Variants in ARHGEF4 observed in about 807,000 individuals in gnomAD.
The protein encoded by ARHGEF4 is APC-stimulated guanine nucleotide exchange factor 1.
In ARHGEF4, 119 loss-of-function variants were observed where a neutral mutation model predicts 162.0. The observed-to-expected ratio is 0.73, with a 90% CI of 0.63 to 0.86. The LOEUF (loss-of-function observed/expected upper bound fraction) is 0.86, where lower values mean the gene tolerates loss of function less well. ARHGEF4 is among the 40% of genes least tolerant of loss of function. ARHGEF4 has a pLI of 0.00. For synonymous variants in ARHGEF4, 1,014 were observed against 979.9 expected, an observed-to-expected ratio of 1.03 and a Z score of -0.65; for missense variants, 2,488 against 2,456.0, an observed-to-expected ratio of 1.01 and a Z score of -0.28.
intron 1 of ARHGEF4, among the ~76,000 whole-genome samples, chr2:130,859,442 A>G (rs1681924928): frequency 2.4e-5 from 2 of 84,006 alleles, no homozygotes; most frequent in Admixed American, 2.7e-4. Flanking sequence ...ATTTGTATCC[A>G]GAATATACAT....
intron 1 of ARHGEF4, among the ~76,000 whole-genome samples, chr2:130,911,889 C>T (rs1681213236): frequency 2.0e-5 from 3 of 152,192 alleles, no homozygotes; most frequent in Admixed American, 2.0e-4. Flanking sequence ...GATCGTTAGT[C>T]ATTTGGAACT....
chr2:130,870,759 A>G (rs1678422479), intron 1 of ARHGEF4, among the ~76,000 whole-genome samples: 1 of 152,082 alleles, frequency 6.6e-6, no homozygotes, highest in Admixed American at 6.5e-5. Context: ...AGTAACCTGG[A>G]AGCAGCAGAC....
chr2:130,997,002 G>A (rs138404263), intron 4 of ARHGEF4, among the ~76,000 whole-genome samples: 1 of 152,288 alleles, frequency 6.6e-6, no homozygotes, highest in East Asian at 1.9e-4. Flanking sequence ...TATTCTCACA[G>A]TCTGTCAGCT....
chr2:131,005,507 G>A (rs897779350), intron 4 of ARHGEF4, among the ~76,000 whole-genome samples: 8 of 152,304 alleles, frequency 5.3e-5, no homozygotes, highest in Non-Finnish European at 8.8e-5. Context: ...GTTGAAGTGC[G>A]CCTCTGGGGG....
chr2:131,040,508 G>C, intron 8 of ARHGEF4, 68 bp downstream of exon 8: 2 of 1,466,308 alleles, frequency 1.4e-6, no homozygotes, highest in East Asian at 5.0e-5. Flanking sequence ...GCGCCAGCGC[G>C]GACAGCGGGT....
At chr2:131,032,699 CCAGA>C (rs906453971) in intron 5 of ARHGEF4, among the ~76,000 whole-genome samples, 34 of 151,662 alleles carry the variant, frequency 2.2e-4, no homozygotes, top group African/African-American at 7.5e-4. Flanking sequence ...CTCATCTGCC[CCAGA>C]CACCTATGTC....
At chr2:130,968,984 G>A (rs1685183963) in intron 4 of ARHGEF4, among the ~76,000 whole-genome samples, 1 of 152,098 alleles carries the variant, frequency 6.6e-6, no homozygotes, top group South Asian at 2.1e-4. Context: ...CTGTGGAGAG[G>A]TTTTAAGCAG....
At chr2:130,940,435 A>G (rs546646988) in intron 3 of ARHGEF4, among the ~76,000 whole-genome samples, 22 of 152,012 alleles carry the variant, frequency 1.4e-4, no homozygotes, top group African/African-American at 3.9e-4. Context: ...AGCTGGGACT[A>G]CAGGTGCCTG....
Position 130,931,041 on chromosome 2 carries a change from C to T in ARHGEF4, c.3642C>T (p.Pro1214=), listed in dbSNP as rs766179333. The change falls in exon 3 of 14, where the codon CCC becomes CCT. Residue 1214 remains proline (P), a synonymous_variant. Transcript: ENST00000409359. ...TCCACATGGAGCCTGCCCAGAAGCC[C>T]TGCTTCACCACTGACATGGTGACAT... ...KAFHMEPAQK[P]CFTTDMVTWA... 39 of 1,614,060 alleles carry T rather than the reference C, an allele frequency of 2.4e-5. No individual in the cohort carries two copies. In the Admixed American group the frequency reaches 6.2e-4, roughly 26 times the overall value.
At chr2:131,045,575 C>A in intron 13 of ARHGEF4, 129 bp downstream of exon 13, 1 of 1,599,304 alleles carries the variant, frequency 6.3e-7, no homozygotes, top group Non-Finnish European at 8.5e-7. Context: ...CCCTTTGCAG[C>A]TGTTTGTTCC....
At chr2:130,871,073 C>A (rs1559010898) in intron 1 of ARHGEF4, among the ~76,000 whole-genome samples, 2 of 152,184 alleles carry the variant, frequency 1.3e-5, no homozygotes, top group Non-Finnish European at 2.9e-5. Flanking sequence ...CCAACAGTCA[C>A]TTCACTTTAC....
chr2:130,985,685 A>C (rs1046475974), intron 4 of ARHGEF4, among the ~76,000 whole-genome samples: 1 of 152,188 alleles, frequency 6.6e-6, no homozygotes, highest in African/African-American at 2.4e-5. Context: ...ATCCATTTCT[A>C]TGTTTATGCA....
chr2:130,961,897 C>T (rs1323103601), intron 4 of ARHGEF4, among the ~76,000 whole-genome samples: 1 of 151,984 alleles, frequency 6.6e-6, no homozygotes, highest in Non-Finnish European at 1.5e-5. Flanking sequence ...TGCAGAAGAG[C>T]CTGCATGAGG....
At chr2:131,006,467 G>C (rs550266873) in intron 4 of ARHGEF4, among the ~76,000 whole-genome samples, 1 of 152,266 alleles carries the variant, frequency 6.6e-6, no homozygotes, top group Non-Finnish European at 1.5e-5. Context: ...AGCGGCCCAG[G>C]AGCTGGCTGG....
chr2:130,890,480 T>G (rs1330048964), intron 1 of ARHGEF4, among the ~76,000 whole-genome samples: 1 of 151,900 alleles, frequency 6.6e-6, no homozygotes, highest in African/African-American at 2.4e-5. Flanking sequence ...GAGAATTGCT[T>G]GAAACCGGGA....
intron 9 of ARHGEF4, 110 bp downstream of exon 9, chr2:131,041,572 CAG>C (rs1179528613): frequency 8.1e-7 from 1 of 1,237,828 alleles, no homozygotes; most frequent in African/African-American, 1.5e-5. Flanking sequence ...GGGCAACACA[CAG>C]AAAACTAGCC....
intron 1 of ARHGEF4, among the ~76,000 whole-genome samples, chr2:130,901,740 C>T (rs1020000763): frequency 6.6e-6 from 1 of 152,130 alleles, no homozygotes; most frequent in African/African-American, 2.4e-5. Flanking sequence ...AGGCTGGTCA[C>T]GTACTCCTGA....
chr2:131,017,995 A>G (rs1246943656), intron 4 of ARHGEF4, among the ~76,000 whole-genome samples: 1 of 152,226 alleles, frequency 6.6e-6, no homozygotes, highest in Non-Finnish European at 1.5e-5. Context: ...ACAGGAGGCC[A>G]GGGGAGGAAA....
chr2:131,030,958 C>G (rs1473354839), intron 5 of ARHGEF4, among the ~76,000 whole-genome samples: 2 of 152,224 alleles, frequency 1.3e-5, no homozygotes, highest in African/African-American at 4.8e-5. Flanking sequence ...CGGGCTCAGC[C>G]AGAAGCTTTG....
Sources: allele counts gnomAD v4.1 joint callset (sites outside exome capture counted in the v4.1 genomes callset), GRCh38; gene constraint gnomAD v4.1.1; transcripts MANE v1.5; gene names NCBI Gene and HGNC (gene_info 2026-07-23, HGNC 2026-07-21).